The following WDR20 variants were observed in gnomAD, a reference collection of about 807,000 sequenced individuals.
The protein encoded by WDR20 is WD repeat-containing protein 20.
In WDR20, 3 loss-of-function variants were observed where a neutral mutation model predicts 38.7. That is an observed-to-expected ratio of 0.08 (90% CI 0.04 to 0.20). The LOEUF (loss-of-function observed/expected upper bound fraction) is 0.20. WDR20 is among the 10% of genes least tolerant of loss of function. The probability of loss-of-function intolerance (pLI) is 1.00; values close to 1 mark genes in which losing one functional copy is unlikely to be tolerated. For synonymous variants in WDR20, 298 were observed against 285.6 expected, an observed-to-expected ratio of 1.04 and a Z score of -0.44; for missense variants, 559 against 727.7, an observed-to-expected ratio of 0.77 and a Z score of 2.67.
chr14:102,198,322 TG>T, intron 2 of WDR20: 1 of 317,554 alleles, frequency 3.1e-6, no homozygotes. Flanking sequence ...TTCACCATGT[TG>T]GCCAGGCTAG....
intron 1 of WDR20, among the ~76,000 whole-genome samples, chr14:102,155,576 T>C (rs1443813019): frequency 6.6e-6 from 1 of 152,244 alleles, no homozygotes; most frequent in Non-Finnish European, 1.5e-5. Context: ...CTATGTCTGC[T>C]CTATTAGACA....
At chr14:102,144,643 A>G (rs1290216472) in intron 1 of WDR20, among the ~76,000 whole-genome samples, 4 of 152,066 alleles carry the variant, frequency 2.6e-5, no homozygotes, top group Non-Finnish European at 4.4e-5. Flanking sequence ...CTTCCTCAGG[A>G]AATTTTTCTT....
In WDR20 at chr14:102,209,179, C is replaced by A. The variant is rs1488405829; in HGVS notation, c.1009C>A (p.Leu337Ile). 1.2e-6 allele frequency: 2 copies of A among 1,614,104 alleles called. No individual in the cohort carries two copies. The highest frequency in any genetic ancestry group is 3.3e-5 in the Admixed American group (2 of 60,022). The change falls in exon 3 of 3, where the codon CTT (leucine) becomes ATT (isoleucine). Residue 337 changes from leucine to isoleucine, a missense_variant. Physicochemically the swap from Leu to Ile is conservative, Grantham distance 5. Coordinates refer to ENST00000342702, the MANE Select transcript of WDR20 (RefSeq NM_144574.4). This position sits in a 1 kb window ranked among gnomAD's most constrained non-coding sequence, Gnocchi z 6.0. ...FSGSDEDFQDLLHFGRDRANS... is the reference protein window; with the variant it reads ...FSGSDEDFQDILHFGRDRANS... Reference sequence around the variant, plus strand: ...TGGCAGCGATGAGGACTTCCAAGACCTTCTTCATTTTGGCAGAGATCGAGC... The same window carrying A: ...TGGCAGCGATGAGGACTTCCAAGACATTCTTCATTTTGGCAGAGATCGAGC...
chr14:102,218,761 G>GT (rs781179282), downstream of WDR20, among the ~76,000 whole-genome samples: 2 of 152,220 alleles, frequency 1.3e-5, no homozygotes, highest in Non-Finnish European at 2.9e-5. Context: ...CTCTCACGGT[G>GT]TGGGGGCTGA....
At chr14:102,214,595 A>G, downstream of WDR20, 11 of 985,352 alleles carry the variant, frequency 1.1e-5, no homozygotes, top group Non-Finnish European at 1.3e-5. Context: ...CTGCATTTTT[A>G]TCATTTCTGT....
chr14:102,175,381 G>T (rs1398105457), intron 1 of WDR20, among the ~76,000 whole-genome samples: 1 of 152,058 alleles, frequency 6.6e-6, no homozygotes, highest in Non-Finnish European at 1.5e-5. Flanking sequence ...TTTATTTCTG[G>T]ATTCTCTGTT....
intron 2 of WDR20, among the ~76,000 whole-genome samples, chr14:102,205,117 G>A (rs1315428895): frequency 6.6e-6 from 1 of 152,080 alleles, no homozygotes; most frequent in African/African-American, 2.4e-5. Context: ...TAATCAGCTG[G>A]GTGTGGCGAC....
At chr14:102,187,273 C>T (rs1041269194) in intron 1 of WDR20, among the ~76,000 whole-genome samples, 14 of 152,184 alleles carry the variant, frequency 9.2e-5, no homozygotes, top group African/African-American at 3.4e-4. Context: ...TCAGCAGCCT[C>T]CTGGCTTCTT....
At chr14:102,172,638 A>T (rs905559118) in intron 1 of WDR20, among the ~76,000 whole-genome samples, 1 of 143,270 alleles carries the variant, frequency 7.0e-6, no homozygotes, top group South Asian at 2.2e-4. Flanking sequence ...CACCTCCCGG[A>T]CGGGGCGGCT....
rs1438498730 is a variant in WDR20, at chr14:102,178,116, G to A, written c.250-16822G>A. 2.0e-5 allele frequency among the ~76,000 whole-genome samples: 3 copies of A among 152,174 alleles called. No individual in the cohort carries two copies. The South Asian group carries it at 6.2e-4, about 31-fold the overall frequency. ...TGGGGTTGAATTGTTATGTGGCTAG[G>A]TGCAGTGGCTCATGCCTGTAATCCC... On this transcript the variant is annotated intron_variant, in intron 1 of 2. Coordinates refer to ENST00000342702, the MANE Select transcript of WDR20 (RefSeq NM_144574.4).
chr14:102,154,283 T>C (rs938183431), intron 1 of WDR20, among the ~76,000 whole-genome samples: 3 of 152,242 alleles, frequency 2.0e-5, no homozygotes, highest in Admixed American at 1.3e-4. Flanking sequence ...TTCTCACAGT[T>C]CTGGAGTCTG....
chr14:102,174,520 A>G (rs376910831), intron 1 of WDR20, among the ~76,000 whole-genome samples: 1 of 152,178 alleles, frequency 6.6e-6, no homozygotes, highest in Non-Finnish European at 1.5e-5. Flanking sequence ...CCTGGGTTCA[A>G]GCGATTCTCC....
downstream of WDR20, chr14:102,213,126 T>C: frequency 1.0e-6 from 1 of 986,082 alleles, no homozygotes. Context: ...TTGGCCTTTT[T>C]CACCAGAATT....
At chr14:102,214,462 C>T (rs901475997), downstream of WDR20, 19 of 985,328 alleles carry the variant, frequency 1.9e-5, no homozygotes, top group Middle Eastern at 5.2e-4. Flanking sequence ...ACTATAAGAA[C>T]GTGCCCCTCC....
At chr14:102,152,870 G>A (rs904563030) in intron 1 of WDR20, among the ~76,000 whole-genome samples, 2 of 152,166 alleles carry the variant, frequency 1.3e-5, no homozygotes, top group Admixed American at 1.3e-4. Context: ...ATCCAGTTCT[G>A]TTCAACCCTA....
downstream of WDR20, chr14:102,223,737 G>C (rs2064137606): frequency 1.3e-5 from 2 of 152,170 alleles, no homozygotes; most frequent in Admixed American, 1.3e-4. Context: ...GAACTGGTTG[G>C]TATGGAATTG....
downstream of WDR20, chr14:102,214,246 C>G: frequency 3.0e-6 from 3 of 985,588 alleles, no homozygotes; most frequent in South Asian, 9.4e-5. Flanking sequence ...CCTGCAGGGC[C>G]CCCCCTTGTC....
intron 2 of WDR20, among the ~76,000 whole-genome samples, chr14:102,203,879 G>A (rs2060997501): frequency 6.6e-6 from 1 of 151,960 alleles, no homozygotes; most frequent in East Asian, 1.9e-4. Context: ...TGCAGAAACT[G>A]GACTGCATAA....
downstream of WDR20, among the ~76,000 whole-genome samples, chr14:102,218,514 T>C (rs76484273): frequency 0.018 from 2,691 of 152,364 alleles, 80 homozygotes; most frequent in African/African-American, 0.062. Context: ...GGCAGGAACA[T>C]GGCCTTGCTG....
Sources: allele counts gnomAD v4.1 joint callset (sites outside exome capture counted in the v4.1 genomes callset), GRCh38; gene constraint gnomAD v4.1.1; non-coding constraint Gnocchi (gnomAD v3.1); transcripts MANE v1.5; gene names NCBI Gene and HGNC (gene_info 2026-07-23, HGNC 2026-07-21).